The following ANO2 variants were observed in gnomAD, a reference collection of about 807,000 sequenced individuals.
ANO2 encodes anoctamin-2.
ANO2 carries 101 observed loss-of-function variants against 124.2 expected under a neutral mutation model. The ratio of observed to expected loss-of-function variants is 0.81; its 90% confidence interval spans 0.69 to 0.96. The LOEUF (loss-of-function observed/expected upper bound fraction) is 0.96. ANO2 is among the 40% of genes least tolerant of loss of function. The pLI, the probability that ANO2 is intolerant of heterozygous loss-of-function variation, is 0.00. For synonymous variants in ANO2, 486 were observed against 482.5 expected, an observed-to-expected ratio of 1.01 and a Z score of -0.09; for missense variants, 1,293 against 1,274.5, an observed-to-expected ratio of 1.01 and a Z score of -0.22.
At chr12:5,605,486 T>C (rs750288018) in intron 19 of ANO2, among the ~76,000 whole-genome samples, 17 of 152,222 alleles carry the variant, frequency 1.1e-4, no homozygotes, top group Non-Finnish European at 2.2e-4. Context: ...CGTGGCAGTA[T>C]TGATCTGTCT....
intron 10 of ANO2, among the ~76,000 whole-genome samples, chr12:5,789,510 G>A (rs1386668933): frequency 1.3e-5 from 2 of 152,192 alleles, no homozygotes; most frequent in Non-Finnish European, 2.9e-5. Flanking sequence ...AGTCCCTGCC[G>A]CAGGCTGAGT....
chr12:5,801,745 C>T (rs1565679768), intron 9 of ANO2, among the ~76,000 whole-genome samples: 1 of 152,228 alleles, frequency 6.6e-6, no homozygotes, highest in Non-Finnish European at 1.5e-5. Flanking sequence ...TCACTCAGTG[C>T]ATGAAGGCAG....
chr12:5,737,935 T>C (rs182459722), intron 13 of ANO2, among the ~76,000 whole-genome samples: 2 of 152,328 alleles, frequency 1.3e-5, no homozygotes, highest in African/African-American at 4.8e-5. Flanking sequence ...GAGTTCATGA[T>C]AGTATTAGCC....
At chr12:5,887,831 TTTTTTTTC>T (rs1939048668) in intron 3 of ANO2, among the ~76,000 whole-genome samples, 1 of 151,904 alleles carries the variant, frequency 6.6e-6, no homozygotes, top group Non-Finnish European at 1.5e-5. Flanking sequence ...CCCCCCGGTT[TTTTTTTTC>T]TTTTTTTTTT....
intron 14 of ANO2, among the ~76,000 whole-genome samples, chr12:5,673,823 G>T (rs17194773): frequency 0.1 from 15,423 of 152,204 alleles, 1,030 homozygotes; most frequent in African/African-American, 0.18. Context: ...TGATTTAGGG[G>T]ATCGCATGGG....
chr12:5,697,035 A>T (rs1345771934), intron 14 of ANO2, among the ~76,000 whole-genome samples: 1 of 152,266 alleles, frequency 6.6e-6, no homozygotes, highest in Non-Finnish European at 1.5e-5. Flanking sequence ...CAGTCCATTT[A>T]AAAACAGGAA....
At chr12:5,648,934 T>A (rs1946778920) in intron 14 of ANO2, among the ~76,000 whole-genome samples, 1 of 152,200 alleles carries the variant, frequency 6.6e-6, no homozygotes, top group Non-Finnish European at 1.5e-5. Flanking sequence ...AACAGTGCCA[T>A]CTAGCCTTTG....
At chr12:5,735,204 C>A (rs549648042) in intron 13 of ANO2, among the ~76,000 whole-genome samples, 1 of 152,248 alleles carries the variant, frequency 6.6e-6, no homozygotes, top group Admixed American at 6.5e-5. Context: ...GCCTGATACT[C>A]CTGATGTTCC....
chr12:5,784,033 C>A (rs1952474689), intron 10 of ANO2, among the ~76,000 whole-genome samples: 1 of 152,194 alleles, frequency 6.6e-6, no homozygotes, highest in African/African-American at 2.4e-5. Flanking sequence ...ACCTTGCCTG[C>A]CTTTCCTGCC....
At chr12:5,699,366 A>G (rs1260689453) in intron 14 of ANO2, among the ~76,000 whole-genome samples, 1 of 152,188 alleles carries the variant, frequency 6.6e-6, no homozygotes, top group Non-Finnish European at 1.5e-5. Flanking sequence ...AAGGAGACAT[A>G]AAATCCTTTA....
In ANO2 at chr12:5,862,286, C is replaced by T. The variant is rs1955293293; in HGVS notation, c.535-8145G>A. Among the ~76,000 whole-genome samples, 1 of 152,184 alleles carries T rather than the reference C, an allele frequency of 6.6e-6. No individual in the cohort carries two copies. The highest frequency in any genetic ancestry group is 2.4e-5 in the African/African-American group (1 of 41,428). ...GACAGAGCCAAATGCCCACCAAGCCCCATCCCAGAGACCCACTAAGACCAG... is the reference window on the plus strand; with the variant it reads ...GACAGAGCCAAATGCCCACCAAGCCTCATCCCAGAGACCCACTAAGACCAG... On this transcript the variant is annotated intron_variant, in intron 3 of 24. Coordinates refer to ENST00000682330, the MANE Select transcript of ANO2 (RefSeq NM_001364791.2). This position sits in a 1 kb window ranked among gnomAD's most constrained non-coding sequence, Gnocchi z 4.0.
intron 14 of ANO2, among the ~76,000 whole-genome samples, chr12:5,675,344 A>G (rs768817080): frequency 1.3e-5 from 2 of 152,200 alleles, no homozygotes; most frequent in Non-Finnish European, 2.9e-5. Flanking sequence ...TCTGCCACAC[A>G]ATATAACAAT....
intron 23 of ANO2, among the ~76,000 whole-genome samples, chr12:5,572,968 G>C (rs1482858232): frequency 1.3e-5 from 2 of 152,042 alleles, no homozygotes; most frequent in Non-Finnish European, 2.9e-5. Context: ...TGACTCTGAA[G>C]GCAGATACAA....
chr12:5,676,872 G>A (rs1014993535), intron 14 of ANO2, among the ~76,000 whole-genome samples: 1 of 151,990 alleles, frequency 6.6e-6, no homozygotes, highest in Admixed American at 6.6e-5. Flanking sequence ...TGGCCAACAC[G>A]GTGAAACCCT....
chr12:5,787,414 C>T lies in ANO2; in HGVS notation c.1055+12093G>A, dbSNP rs549904403. Among the ~76,000 whole-genome samples, 42 of 152,310 alleles carry T rather than the reference C, an allele frequency of 2.8e-4. No individual in the cohort carries two copies. The highest frequency in any genetic ancestry group is 7.8e-4 in the Admixed American group (12 of 15,304). The stretch of plus-strand genomic sequence containing the variant: ...CTCCGCTACAGAGCTGAAGCTCCAG[C>T]ATCCCAGTGCCTTCCCCCAGCAGTG... On this transcript the variant is annotated intron_variant, in intron 10 of 24. Transcript: ENST00000682330. The surrounding 1 kb of genome is among the most constrained non-coding windows in gnomAD (Gnocchi z 4.2).
intron 14 of ANO2, among the ~76,000 whole-genome samples, chr12:5,679,696 A>C (rs1253568863): frequency 6.6e-6 from 1 of 152,234 alleles, no homozygotes. Flanking sequence ...ATGGGAATGT[A>C]AATTACTTCA....
chr12:5,720,467 A>G (rs1003364120), intron 14 of ANO2, among the ~76,000 whole-genome samples: 4 of 152,330 alleles, frequency 2.6e-5, no homozygotes, highest in African/African-American at 7.2e-5. Context: ...AGCAAAAGAC[A>G]AATTTAATTT....
At chr12:5,741,497 C>T (rs1262820127) in intron 12 of ANO2, among the ~76,000 whole-genome samples, 1 of 152,220 alleles carries the variant, frequency 6.6e-6, no homozygotes, top group Non-Finnish European at 1.5e-5. Flanking sequence ...CTTCCTACCG[C>T]TCCTTCCTTG....
At chr12:5,650,504 A>G (rs1364394202) in intron 14 of ANO2, among the ~76,000 whole-genome samples, 1 of 152,180 alleles carries the variant, frequency 6.6e-6, no homozygotes, top group East Asian at 1.9e-4. Context: ...AGAAACACAA[A>G]GATTGCACCA....
Sources: gnomAD v4.1 joint callset for allele counts (sites outside exome capture counted in the v4.1 genomes callset) on GRCh38, gnomAD v4.1.1 for gene constraint, Gnocchi (gnomAD v3.1) non-coding constraint, MANE v1.5 for transcripts, NCBI Gene and HGNC (gene_info 2026-07-23, HGNC 2026-07-21) for gene names.